Variants in ANKS1B observed in about 807,000 individuals in gnomAD.
ANKS1B encodes the protein ankyrin repeat and sterile alpha motif domain containing 1B, also known as ankyrin repeat and sterile alpha motif domain-containing protein 1B.
In ANKS1B, 36 loss-of-function variants were observed where a neutral mutation model predicts 148.3. The observed-to-expected ratio is 0.24, with a 90% CI of 0.19 to 0.32. The LOEUF (loss-of-function observed/expected upper bound fraction) is 0.32, where lower values mean the gene tolerates loss of function less well. Ranked by LOEUF, ANKS1B falls within the 10% of genes least tolerant of loss-of-function variation. The pLI is 1.00. For synonymous variants in ANKS1B, 542 were observed against 560.8 expected, an observed-to-expected ratio of 0.97 and a Z score of 0.47; for missense variants, 1,157 against 1,542.6, an observed-to-expected ratio of 0.75 and a Z score of 4.19.
chr12:99,469,287 T>A (rs2096194943), intron 10 of ANKS1B, among the ~76,000 whole-genome samples: 1 of 99,216 alleles, frequency 1.0e-5, no homozygotes, highest in Non-Finnish European at 1.9e-5. Flanking sequence ...CTGGGGACTG[T>A]TGTGGGGTGG....
At chr12:99,094,873 T>A (rs1330438739) in intron 15 of ANKS1B, among the ~76,000 whole-genome samples, 1 of 152,182 alleles carries the variant, frequency 6.6e-6, no homozygotes, top group African/African-American at 2.4e-5. Context: ...TCAAATATAC[T>A]CTGGATTCGG....
At chr12:99,116,580 G>A (rs78270073) in intron 15 of ANKS1B, among the ~76,000 whole-genome samples, 1,578 of 151,838 alleles carry the variant, frequency 0.01, 29 homozygotes, top group African/African-American at 0.036. Context: ...TGTCTTTTTC[G>A]TTATCTTTAT....
intron 8 of ANKS1B, among the ~76,000 whole-genome samples, chr12:99,746,621 A>G (rs2060620823): frequency 6.6e-6 from 1 of 152,186 alleles, no homozygotes; most frequent in African/African-American, 2.4e-5. Context: ...TGACAGAGTA[A>G]GTAACATTAA....
chr12:99,097,873 C>T (rs978633029), intron 15 of ANKS1B, among the ~76,000 whole-genome samples: 2 of 152,220 alleles, frequency 1.3e-5, no homozygotes. Flanking sequence ...TACATCTACT[C>T]ATACACTCCT....
rs559769827 is a variant in ANKS1B at position 98,908,346 on chromosome 12, T to C, written c.2779-76210A>G. On this transcript the variant is annotated intron_variant, in intron 17 of 26. Coordinates refer to ENST00000683438, the MANE Select transcript of ANKS1B (RefSeq NM_001352186.2). ...CTACTGTTATGTCTGCTTCCATTATTTCTACTGCTGGGGAGGCTACCATTA... is the reference window on the plus strand; with the variant it reads ...CTACTGTTATGTCTGCTTCCATTATCTCTACTGCTGGGGAGGCTACCATTA... Among the ~76,000 whole-genome samples the C allele has an allele frequency of 7.9e-5, 12 of 152,354 alleles. No homozygotes were observed. The East Asian group carries it at 2.3e-3, about 29-fold the overall frequency.
At chr12:99,649,650 T>C in intron 9 of ANKS1B, 1 of 424,436 alleles carries the variant, frequency 2.4e-6, no homozygotes, top group Non-Finnish European at 4.3e-6. Flanking sequence ...TGCTTCCATG[T>C]CTTAATCTTG....
chr12:99,845,029 C>T (rs530514904), intron 1 of ANKS1B, among the ~76,000 whole-genome samples: 16 of 152,170 alleles, frequency 1.1e-4, no homozygotes, highest in African/African-American at 3.6e-4. Flanking sequence ...ATTTGGCTCT[C>T]GGCTTGCCTC....
chr12:99,043,780 G>A (rs1253814856), intron 17 of ANKS1B, among the ~76,000 whole-genome samples: 1 of 152,036 alleles, frequency 6.6e-6, no homozygotes, highest in African/African-American at 2.4e-5. Context: ...TTCTGTAATG[G>A]CTTATACACC....
intron 15 of ANKS1B, among the ~76,000 whole-genome samples, chr12:99,128,564 G>A (rs540182790): frequency 2.1e-4 from 32 of 152,264 alleles, no homozygotes; most frequent in Middle Eastern, 6.8e-3. Flanking sequence ...TGTTTGAATG[G>A]CTCCAGGGAT....
Position 98,820,211 on chromosome 12 carries a change from C to T in ANKS1B, c.3066+8963G>A, listed in dbSNP as rs1255613028. Among the ~76,000 whole-genome samples, 8 of 152,222 alleles carry T rather than the reference C, an allele frequency of 5.3e-5. No individual in the cohort carries two copies. The East Asian group carries it at 7.7e-4, about 15-fold the overall frequency. ...GGGTGTTCATCAACACTGTGGTTCACACGACAGCTGTGAAGCTAGGCTGCT... is the reference window on the plus strand; with the variant it reads ...GGGTGTTCATCAACACTGTGGTTCATACGACAGCTGTGAAGCTAGGCTGCT... On this transcript the variant is annotated intron_variant, in intron 19 of 26. Coordinates refer to ENST00000683438, the MANE Select transcript of ANKS1B (RefSeq NM_001352186.2).
intron 1 of ANKS1B, among the ~76,000 whole-genome samples, chr12:99,887,387 A>AGGG (rs1394314356): frequency 6.6e-6 from 1 of 152,232 alleles, no homozygotes; most frequent in Non-Finnish European, 1.5e-5. Context: ...TATGGGTTGG[A>AGGG]TTAAATAAAA....
intron 10 of ANKS1B, among the ~76,000 whole-genome samples, chr12:99,455,651 C>G (rs2095836145): frequency 1.3e-5 from 2 of 152,054 alleles, no homozygotes. Context: ...GCTGGCTTTC[C>G]ACCACTTTCC....
chr12:99,938,370 A>T (rs2153814029), intron 1 of ANKS1B, among the ~76,000 whole-genome samples: 1 of 152,254 alleles, frequency 6.6e-6, no homozygotes, highest in Non-Finnish European at 1.5e-5. Context: ...CCAGTTGAGA[A>T]CTAAGTACTG....
At chr12:99,931,702 G>A (rs2094620771) in intron 1 of ANKS1B, among the ~76,000 whole-genome samples, 1 of 152,194 alleles carries the variant, frequency 6.6e-6, no homozygotes, top group African/African-American at 2.4e-5. Flanking sequence ...TTTTGATACA[G>A]AAATACAGTG....
chr12:99,499,721 TG>T (rs1272794155), intron 10 of ANKS1B, among the ~76,000 whole-genome samples: 1 of 152,106 alleles, frequency 6.6e-6, no homozygotes, highest in East Asian at 1.9e-4. Flanking sequence ...CTTCCCCCGT[TG>T]ACACCACATG....
chr12:99,829,732 A>C (rs2083690619), intron 1 of ANKS1B, among the ~76,000 whole-genome samples: 3 of 152,214 alleles, frequency 2.0e-5, no homozygotes, highest in Admixed American at 1.3e-4. Context: ...CAGGAGGCTG[A>C]GGCAGGAGAA....
intron 17 of ANKS1B, among the ~76,000 whole-genome samples, chr12:98,952,107 C>T (rs1431145352): frequency 6.6e-6 from 1 of 152,196 alleles, no homozygotes; most frequent in Admixed American, 6.5e-5. Flanking sequence ...AAACTGCATT[C>T]AACTCTTGAT....
rs1301860427 is a variant in ANKS1B at position 99,407,547 on chromosome 12, T to A, written c.1576-7736A>T. ...AGACAAGAGAAAGAAATAAAGGGCA[T>A]CCAAGTTGAAAAGGAAGAATTTGAA... On this transcript the variant is annotated intron_variant, in intron 11 of 26. Coordinates refer to ENST00000683438, the MANE Select transcript of ANKS1B (RefSeq NM_001352186.2). Among the ~76,000 whole-genome samples, 11 of 145,794 alleles carry A rather than the reference T, an allele frequency of 7.5e-5. 2 individuals are homozygous for A. Among genetic ancestry groups the A allele is most frequent in the African/African-American group, 2.9e-4 (11 of 38,552 alleles).
intron 9 of ANKS1B, among the ~76,000 whole-genome samples, chr12:99,526,221 T>C (rs2096924974): frequency 6.6e-6 from 1 of 152,198 alleles, no homozygotes. Flanking sequence ...AGTCAAAGTG[T>C]GAATTGATGT....
Sources: gnomAD v4.1 joint callset for allele counts (sites outside exome capture counted in the v4.1 genomes callset) on GRCh38, gnomAD v4.1.1 for gene constraint, MANE v1.5 for transcripts, NCBI Gene and HGNC (gene_info 2026-07-23, HGNC 2026-07-21) for gene names.